Variants in KCNK6 observed in about 807,000 individuals in gnomAD.
KCNK6 encodes the protein potassium two pore domain channel subfamily K member 6.
In KCNK6, 20 loss-of-function variants were observed where a neutral mutation model predicts 21.9. The observed-to-expected ratio is 0.91, with a 90% CI of 0.64 to 1.32. The LOEUF is 1.32. Ranked by LOEUF, KCNK6 falls within the 40% of genes most tolerant of loss-of-function variation. KCNK6 has a pLI of 0.00. For missense variants in KCNK6, 415 were observed against 433.1 expected, an observed-to-expected ratio of 0.96 and a Z score of 0.37; for synonymous variants, 210 against 218.0, an observed-to-expected ratio of 0.96 and a Z score of 0.32.
chr19:38,322,588 G>C (rs1326458649), intron 1 of KCNK6, among the ~76,000 whole-genome samples: 1 of 152,212 alleles, frequency 6.6e-6, no homozygotes, highest in African/African-American at 2.4e-5. Flanking sequence ...GGGCCGAGGT[G>C]GGCAGATCAC....
rs1291041291 is a variant in KCNK6, at chr19:38,327,431, G to C, written c.*28G>C. The C allele has an allele frequency of 6.3e-7, 1 of 1,595,342 alleles. No homozygotes were observed. The highest frequency in any genetic ancestry group is 8.5e-7 in the Non-Finnish European group (1 of 1,174,926). On this transcript the variant is annotated 3_prime_UTR_variant, in exon 3 of 3. Coordinates refer to ENST00000263372, the MANE Select transcript of KCNK6 (RefSeq NM_004823.3). ...GGGGCAGCCTCTGCCAGGCTTGGGTGTGCCTGGCCTGGGACTGAGGGGTCC... is the reference window on the plus strand; with the variant it reads ...GGGGCAGCCTCTGCCAGGCTTGGGTCTGCCTGGCCTGGGACTGAGGGGTCC...
At position 38,327,386 on chromosome 19, in the gene KCNK6, G is replaced by T. The variant is rs201279966; in HGVS notation, c.925G>T (p.Ala309Ser). Reference protein sequence around the residue: ...QLSASSHTDYASIPR With the variant: ...QLSASSHTDYSSIPR ...CTCTGCCAGCTCCCACACCGACTAC[G>T]CTTCCATCCCCAGGTAGCTGGGGCA... Residue 309 changes from alanine (A) to serine (S), a missense_variant, in exon 3 of 3, where the codon GCT becomes TCT. Coordinates refer to ENST00000263372, the MANE Select transcript of KCNK6 (RefSeq NM_004823.3). The T allele has an allele frequency of 8.7e-6, 14 of 1,609,266 alleles. No individual in the cohort carries two copies. Among genetic ancestry groups the T allele is most frequent in the Non-Finnish European group, 1.1e-5 (13 of 1,179,950 alleles).
Position 38,331,712 on chromosome 19 carries a change from A to G in KCNK6, c.*4309A>G, listed in dbSNP as rs1227464943. On this transcript the variant is annotated 3_prime_UTR_variant, in exon 3 of 3. Coordinates refer to ENST00000263372, the MANE Select transcript of KCNK6 (RefSeq NM_004823.3). ...GGTGGAAAGTAAGTCTTTCTCCTAC[A>G]CTCAGATCATGGATGGATGTCTCAG... 1 of 152,110 alleles carries G rather than the reference A, an allele frequency of 6.6e-6. No individual in the cohort carries two copies. The highest frequency in any genetic ancestry group is 1.9e-4 in the East Asian group (1 of 5,198). 9.4% of individuals were successfully genotyped at this position (152,110 alleles called of 1,614,324 possible).
chr19:38,320,277 G>GT lies in KCNK6; in HGVS notation c.322+6dup, dbSNP rs760745619. The stretch of plus-strand genomic sequence containing the variant: ...GCACGCTGATCACCACCGTGGGTAC[G>GT]TAAGCGCCTCACCGCAAGGCGGCGA... On this transcript the variant is annotated splice_donor_region_variant and intron_variant, in intron 1 of 2. Transcript: ENST00000263372. 6.2e-7 allele frequency: 1 copy of GT among 1,604,974 alleles called. No individual in the cohort carries two copies. Among genetic ancestry groups the GT allele is most frequent in the Non-Finnish European group, 8.5e-7 (1 of 1,179,200 alleles).
At position 38,326,707 on chromosome 19, in the gene KCNK6, C is replaced by T; in HGVS notation, c.437C>T (p.Ser146Leu). The T allele has an allele frequency of 6.2e-7, 1 of 1,605,370 alleles. No homozygotes were observed. The highest frequency in any genetic ancestry group is 1.1e-5 in the South Asian group (1 of 91,082). ...LLLTASAQRL[S>L]LLLTHVPLSW... ...CTGACCGCCTCAGCCCAGCGCCTGTCACTGCTGCTGACTCACGTGCCCCTG... is the reference window on the plus strand; with the variant it reads ...CTGACCGCCTCAGCCCAGCGCCTGTTACTGCTGCTGACTCACGTGCCCCTG... Residue 146 changes from serine (S) to leucine (L), a missense_variant, in exon 2 of 3, where the codon TCA becomes TTA. By Grantham distance (145) the Ser-to-Leu change is moderately radical. Transcript: ENST00000263372.
intron 1 of KCNK6, among the ~76,000 whole-genome samples, chr19:38,324,843 T>C (rs12611255): frequency 0.27 from 41,727 of 151,984 alleles, 6,276 homozygotes; most frequent in East Asian, 0.56. Flanking sequence ...CCTCCCACCT[T>C]AGCCTCCTAG....
rs1216794108 is a variant in KCNK6, at chr19:38,320,154, G to A, written c.204G>A (p.Ala68=). The stretch of plus-strand genomic sequence containing the variant: ...ACGCCTTCGTGGAGCGAGTGCTGGC[G>A]GCCGGACGGCTGGGGCGGGTCGTGC... The part of the protein sequence containing the change: ...ALDAFVERVL[A]AGRLGRVVLA... The change falls in exon 1 of 3, where the codon GCG becomes GCA. Residue 68 remains alanine (A), a synonymous_variant. Transcript: ENST00000263372. 5.0e-6 allele frequency: 8 copies of A among 1,596,392 alleles called. No individual in the cohort carries two copies. Among genetic ancestry groups the A allele is most frequent in the Non-Finnish European group, 6.8e-6 (8 of 1,178,032 alleles).
At position 38,326,591 on chromosome 19, in the gene KCNK6, A is replaced by G. The variant is rs1969709283; in HGVS notation, c.323-2A>G. ...TACCCTTTACTCTCTTTACTCCCCT[A>G]GGCTATGGGTACACAACGCCACTGA... On this transcript the variant is annotated splice_acceptor_variant, in intron 1 of 2. Transcript: ENST00000263372. LOFTEE classifies it high-confidence loss of function. The G allele has an allele frequency of 1.2e-6, 2 of 1,604,774 alleles. No homozygotes were observed. Among genetic ancestry groups the G allele is most frequent in the Non-Finnish European group, 8.5e-7 (1 of 1,175,574 alleles).
intron 1 of KCNK6, 115 bp from the exon 2 acceptor site, chr19:38,326,478 G>T: frequency 8.2e-7 from 1 of 1,217,568 alleles, no homozygotes; most frequent in South Asian, 1.5e-5. Flanking sequence ...TTAGGTCCAG[G>T]AGTTCAAGAC....
intron 1 of KCNK6, among the ~76,000 whole-genome samples, chr19:38,321,776 G>A (rs1470339542): frequency 6.6e-6 from 1 of 152,238 alleles, no homozygotes; most frequent in African/African-American, 2.4e-5. Flanking sequence ...CATGCTGCCA[G>A]GGCGGCCTGA....
At position 38,327,595 on chromosome 19, in the gene KCNK6, G is replaced by C. The variant is rs1969727172; in HGVS notation, c.*192G>C. On this transcript the variant is annotated 3_prime_UTR_variant, in exon 3 of 3. Transcript: ENST00000263372. ...CAGCACTCCCTGTCCCCATGTCCCG[G>C]GCTCCACTGGGCACCAACATAACCT... 4 of 602,834 alleles carry C rather than the reference G, an allele frequency of 6.6e-6. No individual in the cohort carries two copies. Among genetic ancestry groups the C allele is most frequent in the Non-Finnish European group, 1.2e-5 (4 of 339,522 alleles). The allele number at this position is 602,834 out of a possible 1,614,324, so 37.3% of individuals were successfully genotyped here.
intron 1 of KCNK6, chr19:38,325,334 C>T: frequency 3.4e-6 from 3 of 889,980 alleles, no homozygotes; most frequent in Non-Finnish European, 4.0e-6. Flanking sequence ...TCAGGCTAGT[C>T]TTGAACTCCT....
At chr19:38,324,292 A>T (rs1969684130) in intron 1 of KCNK6, among the ~76,000 whole-genome samples, 1 of 151,950 alleles carries the variant, frequency 6.6e-6, no homozygotes, top group African/African-American at 2.4e-5. Flanking sequence ...CCCATCAAAA[A>T]CCCTTGTATT....
At chr19:38,324,400 G>A (rs1030177658) in intron 1 of KCNK6, among the ~76,000 whole-genome samples, 5 of 152,150 alleles carry the variant, frequency 3.3e-5, no homozygotes, top group Admixed American at 6.6e-5. Context: ...AGTCCAAGTC[G>A]TACTGCATGG....
In KCNK6 at chr19:38,329,674, AG is replaced by A. The variant is rs1969752005; in HGVS notation, c.*2274del. On this transcript the variant is annotated 3_prime_UTR_variant, in exon 3 of 3. Transcript: ENST00000263372. ...CCTGAGGGCCCTAGAGAGCCATGGA[AG>A]GGTTTAGAGTAGGAGTGGGTCATGG... The A allele has an allele frequency of 6.6e-6, 1 of 152,176 alleles. No homozygotes were observed. Among genetic ancestry groups the A allele is most frequent in the East Asian group, 1.9e-4 (1 of 5,162 alleles). The allele number at this position is 152,176 out of a possible 1,614,324, so 9.4% of individuals were successfully genotyped here.
rs112383488 is a variant in KCNK6, at chr19:38,329,238, A to AAAAGAAAGAAAG, written c.*1839_*1850dup. On this transcript the variant is annotated 3_prime_UTR_variant, in exon 3 of 3. Transcript: ENST00000263372. ...CAGCAAGACTCCGTCTCAAAAAAAAAAAAGAAAGAAAGAAAAGAAAAGAAG... is the reference window on the plus strand; with the variant it reads ...CAGCAAGACTCCGTCTCAAAAAAAAAAAAGAAAGAAAGAAAGAAAGAAAGAAAAGAAAAGAAG... The AAAAGAAAGAAAG allele has an allele frequency of 1.3e-5, 2 of 148,704 alleles. No individual in the cohort carries two copies. The highest frequency in any genetic ancestry group is 6.8e-5 in the Admixed American group (1 of 14,810). The allele number at this position is 148,704 out of a possible 1,614,324, so 9.2% of individuals were successfully genotyped here.
chr19:38,325,648 C>A, intron 1 of KCNK6: 1 of 559,196 alleles, frequency 1.8e-6, no homozygotes, highest in Non-Finnish European at 2.3e-6. Context: ...GAGGATGTTA[C>A]CATTTAGGGT....
rs746380227 is a variant in KCNK6, at chr19:38,327,337, C to T, written c.876C>T (p.Pro292=). ...DEDDRVDILG[P]QPESHQQLSA... is the part of the protein sequence containing the mutation. ...ACGATCGGGTGGACATCCTGGGCCC[C>T]CAGCCGGAGTCGCACCAGCAACTCT... Residue 292 remains proline (P), a synonymous_variant, in exon 3 of 3, where the codon CCC becomes CCT. Coordinates refer to ENST00000263372, the MANE Select transcript of KCNK6 (RefSeq NM_004823.3). 3 of 1,613,002 alleles carry T rather than the reference C, an allele frequency of 1.9e-6. No homozygotes were observed. The South Asian group carries it at 3.3e-5, about 18-fold the overall frequency.
At chr19:38,324,489 G>A (rs973324919) in intron 1 of KCNK6, among the ~76,000 whole-genome samples, 1 of 152,168 alleles carries the variant, frequency 6.6e-6, no homozygotes, top group African/African-American at 2.4e-5. Flanking sequence ...TCCCAAGGTC[G>A]CCTAATGGTC....
Sources: allele counts gnomAD v4.1 joint callset (sites outside exome capture counted in the v4.1 genomes callset), GRCh38; gene constraint gnomAD v4.1.1; transcripts MANE v1.5; gene names NCBI Gene and HGNC (gene_info 2026-07-23, HGNC 2026-07-21).